The following ZFAND3 variants were observed in gnomAD, a reference collection of about 807,000 sequenced individuals.
The protein encoded by ZFAND3 is AN1-type zinc finger protein 3.
Under a neutral mutation model 29.6 loss-of-function variants are expected in ZFAND3, and 10 were observed. The ratio of observed to expected loss-of-function variants is 0.34; its 90% CI spans 0.21 to 0.57. The LOEUF (loss-of-function observed/expected upper bound fraction) is 0.57. Among genes scored for constraint, ZFAND3 ranks in the 20% least tolerant of loss-of-function variants. The pLI, the probability that ZFAND3 is intolerant of heterozygous loss-of-function variation, is 0.86. For missense variants in ZFAND3, 230 were observed against 304.5 expected (o/e 0.76, Z 1.82); for synonymous variants, 128 against 112.6 (o/e 1.14, Z -0.87).
At chr6:38,141,140 A>G (rs1765946310) in intron 5 of ZFAND3, among the ~76,000 whole-genome samples, 1 of 152,230 alleles carries the variant, frequency 6.6e-6, no homozygotes. Flanking sequence ...GAAAACAAGA[A>G]GCCCTTAGAG....
chr6:37,883,882 A>T (rs1286706072), intron 1 of ZFAND3, among the ~76,000 whole-genome samples: 2 of 144,782 alleles, frequency 1.4e-5, no homozygotes, highest in African/African-American at 5.6e-5. Flanking sequence ...TCTCCCGTCC[A>T]CCTAACTAGT....
chr6:37,913,405 T>G (rs1218805767), intron 1 of ZFAND3, among the ~76,000 whole-genome samples: 1 of 152,220 alleles, frequency 6.6e-6, no homozygotes, highest in African/African-American at 2.4e-5. Flanking sequence ...TTTTCATTCA[T>G]TACTCATTCA....
chr6:38,082,448 T>C lies in ZFAND3; in HGVS notation c.352T>C (p.Cys118Arg). The C allele has an allele frequency of 6.2e-7, 1 of 1,611,900 alleles. No homozygotes were observed. Among genetic ancestry groups the C allele is most frequent in the Non-Finnish European group, 8.5e-7 (1 of 1,178,704 alleles). Residue 118 changes from cysteine (C) to arginine (R), a missense_variant, in exon 4 of 6, where the codon TGT (cysteine) becomes CGT (arginine). Physicochemically the swap from Cys to Arg is radical, Grantham distance 180 (BLOSUM62 -3). Around this residue, in one of 2 missense-constraint regions of ZFAND3, gnomAD observed 180 missense variants for 202.5 expected, o/e 0.89. Transcript: ENST00000287218. ...ATTAATCACACCAACAAAAAGATCC[T>C]GTGGTACAGGTATGTACGTCATTCT... ...VSLITPTKRS[C>R]GTDSQSENEA... is the part of the protein sequence containing the mutation.
intron 1 of ZFAND3, among the ~76,000 whole-genome samples, chr6:37,867,311 G>T (rs528230477): frequency 6.6e-6 from 1 of 151,920 alleles, no homozygotes; most frequent in South Asian, 2.1e-4. Flanking sequence ...ATTTTCGTGC[G>T]TGAAAAATTC....
chr6:38,017,680 A>G (rs1156540148), intron 2 of ZFAND3, among the ~76,000 whole-genome samples: 1 of 151,898 alleles, frequency 6.6e-6, no homozygotes, highest in Admixed American at 6.6e-5. Context: ...CTCACTGGAG[A>G]GGGAAACTCC....
intron 1 of ZFAND3, among the ~76,000 whole-genome samples, chr6:37,842,482 T>A (rs1764096765): frequency 6.6e-6 from 1 of 152,218 alleles, no homozygotes; most frequent in Admixed American, 6.5e-5. Flanking sequence ...GTTGTATGAA[T>A]AAGTTTGTTC....
chr6:37,862,744 T>C (rs1764516827), intron 1 of ZFAND3, among the ~76,000 whole-genome samples: 2 of 151,586 alleles, frequency 1.3e-5, no homozygotes, highest in Non-Finnish European at 2.9e-5. Flanking sequence ...CAAAGTGCCC[T>C]GGGCCTTCAG....
intron 1 of ZFAND3, among the ~76,000 whole-genome samples, chr6:37,846,947 G>A (rs930369481): frequency 2.0e-5 from 3 of 152,042 alleles, no homozygotes; most frequent in African/African-American, 4.8e-5. Flanking sequence ...TCCTGACCTC[G>A]TGATCTGCCT....
intron 1 of ZFAND3, among the ~76,000 whole-genome samples, chr6:37,876,541 A>C (rs1002638330): frequency 1.3e-5 from 2 of 152,220 alleles, no homozygotes; most frequent in Non-Finnish European, 2.9e-5. Flanking sequence ...GTATATTTGG[A>C]ATATGTTCTC....
rs116857187 is a variant in ZFAND3, at chr6:38,046,922, G to C, written c.113-14671G>C. Among the ~76,000 whole-genome samples, 73 of 152,118 alleles carry C rather than the reference G, an allele frequency of 4.8e-4. No homozygotes were observed. The East Asian group carries it at 7.3e-3, about 15-fold the overall frequency. On this transcript the variant is annotated intron_variant, in intron 2 of 5. Transcript: ENST00000287218. The stretch of plus-strand genomic sequence containing the variant: ...TTAGTACAGCCTGGTAGAAAGTTCA[G>C]TTGATACCCCAGCCCACATTGTCTA...
intron 1 of ZFAND3, among the ~76,000 whole-genome samples, chr6:37,847,745 G>C (rs1395057378): frequency 1.3e-5 from 2 of 152,284 alleles, no homozygotes; most frequent in East Asian, 1.9e-4. Flanking sequence ...CCTAGAGCCA[G>C]ATCTGGCCAG....
intron 2 of ZFAND3, among the ~76,000 whole-genome samples, chr6:37,994,180 A>G (rs1269290924): frequency 6.6e-6 from 1 of 152,126 alleles, no homozygotes; most frequent in Non-Finnish European, 1.5e-5. Flanking sequence ...AACAATTATA[A>G]TGTTATGATC....
At chr6:37,902,289 T>C (rs1561928029) in intron 1 of ZFAND3, among the ~76,000 whole-genome samples, 1 of 151,862 alleles carries the variant, frequency 6.6e-6, no homozygotes, top group Non-Finnish European at 1.5e-5. Flanking sequence ...AATACAAAAT[T>C]ATTGTATTTT....
chr6:38,021,992 C>T (rs923639222), intron 2 of ZFAND3, among the ~76,000 whole-genome samples: 1 of 152,300 alleles, frequency 6.6e-6, no homozygotes, highest in East Asian at 1.9e-4. Context: ...CAAACCTAAT[C>T]TTGTGATTTG....
chr6:38,140,225 T>G (rs1056307888), intron 5 of ZFAND3, among the ~76,000 whole-genome samples: 31 of 152,322 alleles, frequency 2.0e-4, no homozygotes, highest in African/African-American at 7.5e-4. Flanking sequence ...GGCAGAGAGA[T>G]AAATTTCAGA....
At chr6:37,871,580 T>G (rs1425969340) in intron 1 of ZFAND3, among the ~76,000 whole-genome samples, 1 of 152,220 alleles carries the variant, frequency 6.6e-6, no homozygotes, top group African/African-American at 2.4e-5. Flanking sequence ...TAGTATTGTA[T>G]CAACATTAAT....
Position 37,819,869 on chromosome 6 carries a change from A to G in ZFAND3, c.-77A>G, listed in dbSNP as rs1259879950. The G allele has an allele frequency of 4.4e-5, 26 of 594,306 alleles. No homozygotes were observed. The highest frequency in any genetic ancestry group is 4.3e-4 in the African/African-American group (21 of 48,516). The allele number at this position is 594,306 out of a possible 1,614,324, so 36.8% of individuals were successfully genotyped here. ...CCCCGAGCCCCCCGACGCCGCCGCC[A>G]CCGCCTCCTCAGAGCGGGGCCCGGG... On this transcript the variant is annotated 5_prime_UTR_variant, in exon 1 of 6. Transcript: ENST00000287218.
chr6:37,833,842 A>G (rs1763910975), intron 1 of ZFAND3, among the ~76,000 whole-genome samples: 1 of 151,658 alleles, frequency 6.6e-6, no homozygotes, highest in Non-Finnish European at 1.5e-5. Context: ...AAAAAAAAAA[A>G]AGGACTTCAT....
intron 2 of ZFAND3, among the ~76,000 whole-genome samples, chr6:37,944,622 T>G (rs2127418302): frequency 6.6e-6 from 1 of 152,362 alleles, no homozygotes; most frequent in East Asian, 1.9e-4. Flanking sequence ...GTCTTGTGTT[T>G]TGACCTACAG....
Sources: allele counts gnomAD v4.1 joint callset (sites outside exome capture counted in the v4.1 genomes callset), GRCh38; gene constraint gnomAD v4.1.1; regional missense constraint gnomAD v4.1.1; transcripts MANE v1.5; gene names NCBI Gene and HGNC (gene_info 2026-07-23, HGNC 2026-07-21).